EDA: variants seen among roughly 807,000 people sequenced by gnomAD.
The protein encoded by EDA is ectodysplasin-A.
Under a neutral mutation model 23.6 loss-of-function variants are expected in EDA, and 2 were observed. That is an observed-to-expected ratio of 0.08 (90% CI 0.03 to 0.27). EDA has a LOEUF of 0.27. EDA is among the 10% of genes least tolerant of loss of function. EDA has a pLI of 1.00. For synonymous variants in EDA, 131 were observed against 132.0 expected (o/e 0.99, Z 0.05); for missense variants, 229 against 324.2 (o/e 0.71, Z 2.26).
At chrX:69,885,985 A>G (rs375831439) in intron 1 of EDA, among the ~76,000 whole-genome samples, 3 of 112,118 alleles carry the variant, frequency 2.7e-5, no homozygotes, top group South Asian at 3.7e-4. Context: ...TCCTGCTCAC[A>G]TAAGGATCCA....
At chrX:69,697,444 A>G (rs769551677) in intron 1 of EDA, among the ~76,000 whole-genome samples, 49 of 111,462 alleles carry the variant, frequency 4.4e-4, no homozygotes, top group Non-Finnish European at 7.0e-4. Flanking sequence ...TTGGTTATAG[A>G]AAAAGGGAAA....
intron 2 of EDA, among the ~76,000 whole-genome samples, chrX:69,986,920 T>C (rs1469720354): frequency 2.1e-5 from 1 of 48,171 alleles, no homozygotes; most frequent in Non-Finnish European, 3.5e-5. Flanking sequence ...GTGGCACATA[T>C]ACACCATGGA....
chrX:69,785,118 C>T (rs913411230), intron 1 of EDA, among the ~76,000 whole-genome samples: 3 of 102,444 alleles, frequency 2.9e-5, no homozygotes, highest in African/African-American at 1.1e-4. Context: ...TATAAGAATG[C>T]TTGTGATTTT....
At chrX:69,634,148 A>G (rs1336025131) in intron 1 of EDA, among the ~76,000 whole-genome samples, 1 of 112,298 alleles carries the variant, frequency 8.9e-6, no homozygotes, top group Non-Finnish European at 1.9e-5. Context: ...GGCCGTTTGT[A>G]TATCTTTGAA....
intron 1 of EDA, among the ~76,000 whole-genome samples, chrX:69,810,020 G>A (rs1330356341): frequency 2.8e-5 from 3 of 108,921 alleles, no homozygotes; most frequent in African/African-American, 3.3e-5. Flanking sequence ...CCAGCACTTT[G>A]GGGGGCTGAG....
chrX:69,965,471 C>T (rs1228363483), intron 2 of EDA, among the ~76,000 whole-genome samples: 9 of 112,224 alleles, frequency 8.0e-5, no homozygotes, highest in Non-Finnish European at 3.8e-5. Context: ...AAATGCTAAA[C>T]ACACATACTG....
intron 1 of EDA, among the ~76,000 whole-genome samples, chrX:69,632,846 C>T (rs775792392): frequency 1.3e-4 from 15 of 111,939 alleles, no homozygotes; most frequent in African/African-American, 4.9e-4. Context: ...TCCCCGCTTA[C>T]TATCTCATGG....
intron 1 of EDA, among the ~76,000 whole-genome samples, chrX:69,949,328 T>C (rs2018879991): frequency 8.9e-6 from 1 of 111,867 alleles, no homozygotes; most frequent in South Asian, 3.8e-4. Flanking sequence ...ACTTTGTTTT[T>C]TTAGTCTAAA....
chrX:69,799,691 A>G (rs901700558), intron 1 of EDA, among the ~76,000 whole-genome samples: 3 of 40,922 alleles, frequency 7.3e-5, no homozygotes, highest in Non-Finnish European at 1.3e-4. Context: ...CTATTACTAA[A>G]AAGACAAAAA....
intron 1 of EDA, among the ~76,000 whole-genome samples, chrX:69,725,787 T>A (rs1354407860): frequency 8.9e-6 from 1 of 112,323 alleles, no homozygotes; most frequent in Non-Finnish European, 1.9e-5. Flanking sequence ...CAACCATCCC[T>A]CAAGAAAATA....
At chrX:69,710,826 T>G (rs35343883) in intron 1 of EDA, among the ~76,000 whole-genome samples, 1 of 107,479 alleles carries the variant, frequency 9.3e-6, no homozygotes, top group Non-Finnish European at 1.9e-5. Context: ...TGCTTGTGAT[T>G]TTTGCACATT....
intron 1 of EDA, among the ~76,000 whole-genome samples, chrX:69,903,739 T>A (rs1233349548): frequency 1.8e-5 from 2 of 108,412 alleles, no homozygotes; most frequent in African/African-American, 7.1e-5. Flanking sequence ...TTTTAAAAAT[T>A]TTTTTTGAAA....
intron 1 of EDA, among the ~76,000 whole-genome samples, chrX:69,855,385 T>C (rs1304037245): frequency 8.9e-6 from 1 of 112,055 alleles, no homozygotes; most frequent in Non-Finnish European, 1.9e-5. Context: ...GTGAAATCTT[T>C]GCCTGTTTCT....
At chrX:69,833,547 G>A (rs1339559313) in intron 1 of EDA, among the ~76,000 whole-genome samples, 1 of 110,002 alleles carries the variant, frequency 9.1e-6, no homozygotes, top group East Asian at 2.9e-4. Flanking sequence ...TCAGGATGAT[G>A]TTGGCCTCAT....
At chrX:69,910,750 G>C (rs954949970) in intron 1 of EDA, among the ~76,000 whole-genome samples, 4 of 110,633 alleles carry the variant, frequency 3.6e-5, no homozygotes, top group Non-Finnish European at 7.6e-5. Flanking sequence ...CTCAAATATT[G>C]GATTTTTCTG....
At chrX:69,987,408 A>G (rs1208072918) in intron 2 of EDA, among the ~76,000 whole-genome samples, 2 of 109,857 alleles carry the variant, frequency 1.8e-5, no homozygotes, top group Non-Finnish European at 3.8e-5. Context: ...TCTTACAACT[A>G]AAATACCCTG....
intron 1 of EDA, among the ~76,000 whole-genome samples, chrX:69,920,814 T>G: frequency 8.9e-6 from 1 of 112,036 alleles, no homozygotes; most frequent in East Asian, 2.8e-4. Flanking sequence ...CTTTTCATAT[T>G]TCACTGTTTG....
At chrX:69,755,785 C>T (rs1230180100) in intron 1 of EDA, among the ~76,000 whole-genome samples, 3 of 112,469 alleles carry the variant, frequency 2.7e-5, no homozygotes, top group Non-Finnish European at 5.6e-5. Flanking sequence ...CCCCCAGCCT[C>T]GCTGCCACCT....
intron 1 of EDA, among the ~76,000 whole-genome samples, chrX:69,629,839 C>T (rs764027600): frequency 9.9e-5 from 11 of 111,346 alleles, no homozygotes; most frequent in African/African-American, 3.3e-4. Context: ...AAAATGCTTT[C>T]GGAATTCATT....
Sources: allele counts gnomAD v4.1 joint callset (sites outside exome capture counted in the v4.1 genomes callset), GRCh38; gene constraint gnomAD v4.1.1; transcripts MANE v1.5; gene names NCBI Gene and HGNC (gene_info 2026-07-23, HGNC 2026-07-21).